The following SKIC3 variants were observed in gnomAD, a reference collection of about 807,000 sequenced individuals.
The protein encoded by SKIC3 is superkiller complex protein 3.
At chr5:95,483,649 C>T in the SKIC3 span, among the ~76,000 whole-genome samples, 2 of 152,180 alleles carry the variant, frequency 1.3e-5, no homozygotes, top group African/African-American at 4.8e-5. Context: ...AATTACACAA[C>T]CTCCATGGTA....
At chr5:95,492,937 A>T in the SKIC3 span, among the ~76,000 whole-genome samples, 1 of 152,282 alleles carries the variant, frequency 6.6e-6, no homozygotes, top group South Asian at 2.1e-4. Context: ...GATAACCAGC[A>T]ACCCAAATTC....
the SKIC3 span, among the ~76,000 whole-genome samples, chr5:95,508,304 T>C: frequency 7.9e-5 from 12 of 152,332 alleles, no homozygotes; most frequent in East Asian, 2.3e-3. Flanking sequence ...AACCAGGTCT[T>C]TTTACTTTTC....
the SKIC3 span, chr5:95,497,436 A>G: frequency 6.2e-7 from 1 of 1,613,460 alleles, no homozygotes; most frequent in Non-Finnish European, 8.5e-7. Context: ...CGTTGAGCAT[A>G]CTGTGCAACA....
chr5:95,516,633 C>A, the SKIC3 span: 5 of 1,612,988 alleles, frequency 3.1e-6, no homozygotes, highest in Admixed American at 1.7e-5. Flanking sequence ...TTGAAATACA[C>A]AATCTTCTAA....
the SKIC3 span, among the ~76,000 whole-genome samples, chr5:95,465,370 A>T: frequency 5.3e-5 from 8 of 152,218 alleles, no homozygotes; most frequent in Non-Finnish European, 7.3e-5. Flanking sequence ...TCCTCTTTGA[A>T]ACCACAGCTC....
At chr5:95,526,083 C>T in the SKIC3 span, among the ~76,000 whole-genome samples, 1 of 152,150 alleles carries the variant, frequency 6.6e-6, no homozygotes, top group Non-Finnish European at 1.5e-5. Flanking sequence ...TGCATAACCA[C>T]ATTACCATTA....
At chr5:95,524,343 T>C in the SKIC3 span, 81 of 1,385,176 alleles carry the variant, frequency 5.8e-5, no homozygotes, top group South Asian at 9.4e-4. Context: ...AAACCTGACA[T>C]ATGAAAGATA....
the SKIC3 span, chr5:95,523,052 T>C: frequency 3.8e-6 from 4 of 1,049,664 alleles, no homozygotes; most frequent in Admixed American, 8.5e-5. Flanking sequence ...GCAATTCCAC[T>C]GCCCTGCAAA....
the SKIC3 span, chr5:95,522,156 T>C: frequency 1.4e-4 from 220 of 1,613,916 alleles, no homozygotes; most frequent in East Asian, 3.3e-3. Flanking sequence ...GCTGCAACCT[T>C]AAACACACTG....
the SKIC3 span, chr5:95,522,192 T>C: frequency 6.8e-6 from 11 of 1,613,808 alleles, no homozygotes; most frequent in Non-Finnish European, 9.3e-6. Flanking sequence ...TTCAGCTCAC[T>C]GGCTTTTGTG....
At chr5:95,518,965 C>G in the SKIC3 span, among the ~76,000 whole-genome samples, 1 of 151,804 alleles carries the variant, frequency 6.6e-6, no homozygotes, top group African/African-American at 2.4e-5. Context: ...TCCTTGCCAG[C>G]CTTTATTTTT....
the SKIC3 span, among the ~76,000 whole-genome samples, chr5:95,478,888 A>C: frequency 1.3e-5 from 2 of 152,170 alleles, no homozygotes; most frequent in Non-Finnish European, 2.9e-5. Flanking sequence ...GATATTTATA[A>C]AAACCTATAG....
chr5:95,500,623 T>C, the SKIC3 span, among the ~76,000 whole-genome samples: 37 of 152,288 alleles, frequency 2.4e-4, 1 homozygote, highest in East Asian at 6.7e-3. Context: ...TTCACTTCTA[T>C]AGTTATAAGT....
the SKIC3 span, chr5:95,516,492 A>C: frequency 5.8e-5 from 94 of 1,612,702 alleles, no homozygotes; most frequent in South Asian, 1.0e-3. Flanking sequence ...CTAAATTTTG[A>C]AGTTCTTTTT....
At chr5:95,475,384 G>A in the SKIC3 span, among the ~76,000 whole-genome samples, 1 of 152,132 alleles carries the variant, frequency 6.6e-6, no homozygotes, top group African/African-American at 2.4e-5. Context: ...TATACACTGA[G>A]TGAGTTCTCA....
chr5:95,500,008 A>AT, the SKIC3 span, among the ~76,000 whole-genome samples: 2 of 152,068 alleles, frequency 1.3e-5, no homozygotes, highest in Admixed American at 6.5e-5. Context: ...AAATAAAGGA[A>AT]TTTTTTTAAA....
At chr5:95,490,443 G>GTA in the SKIC3 span, among the ~76,000 whole-genome samples, 18 of 143,710 alleles carry the variant, frequency 1.3e-4, no homozygotes, top group African/African-American at 2.6e-4. Flanking sequence ...ATTAAATAAT[G>GTA]TATATATATA....
chr5:95,509,698 A>T, the SKIC3 span: 2 of 1,575,558 alleles, frequency 1.3e-6, no homozygotes, highest in Non-Finnish European at 1.7e-6. Flanking sequence ...CTAGAAAATG[A>T]GAAATATCTT....
At chr5:95,528,245 C>G in the SKIC3 span, 1 of 1,483,754 alleles carries the variant, frequency 6.7e-7, no homozygotes, top group East Asian at 2.3e-5. Context: ...ATTGCAGATA[C>G]AATAAGCATA....
Sources: allele counts gnomAD v4.1 joint callset (sites outside exome capture counted in the v4.1 genomes callset), GRCh38; gene constraint gnomAD v4.1.1; transcripts MANE v1.5; gene names NCBI Gene and HGNC (gene_info 2026-07-23, HGNC 2026-07-21).